Variants in SVIL observed in about 807,000 individuals in gnomAD.
The protein encoded by SVIL is archvillin.
In SVIL, 101 loss-of-function variants were observed where a neutral mutation model predicts 240.4. The observed-to-expected ratio is 0.42, with a 90% CI of 0.36 to 0.50. The LOEUF is 0.50. Among genes scored for constraint, SVIL ranks in the 20% least tolerant of loss-of-function variants. The pLI is 0.01. For missense variants in SVIL, 2,512 were observed against 2,818.7 expected (o/e 0.89, Z 2.46); for synonymous variants, 999 against 1,100.0 (o/e 0.91, Z 1.82).
At chr10:29,608,761 G>A (rs866136721) in intron 1 of SVIL, among the ~76,000 whole-genome samples, 3 of 152,232 alleles carry the variant, frequency 2.0e-5, no homozygotes, top group African/African-American at 7.2e-5. Flanking sequence ...GATAGCCTGC[G>A]TGCCATGGAT....
intron 1 of SVIL, among the ~76,000 whole-genome samples, chr10:29,584,580 C>G (rs553155452): frequency 1.1e-3 from 171 of 152,326 alleles, no homozygotes; most frequent in African/African-American, 4.0e-3. Flanking sequence ...CCCGCTGCCA[C>G]TGGACTCTCT....
chr10:29,684,914 AT>A (rs957629780), intron 2 of SVIL, among the ~76,000 whole-genome samples: 2 of 151,376 alleles, frequency 1.3e-5, no homozygotes, highest in African/African-American at 4.8e-5. Flanking sequence ...TAGGACCTTT[AT>A]TTTTTTTTAA....
intron 1 of SVIL, among the ~76,000 whole-genome samples, chr10:29,727,488 C>T (rs1246654279): frequency 6.6e-6 from 1 of 151,976 alleles, no homozygotes; most frequent in Admixed American, 6.6e-5. Context: ...TCCCTGGGTG[C>T]CATGAGTCCA....
chr10:29,495,584 T>C (rs552038022), intron 18 of SVIL, among the ~76,000 whole-genome samples: 1 of 152,088 alleles, frequency 6.6e-6, no homozygotes, highest in African/African-American at 2.4e-5. Context: ...CCCCCCGCAG[T>C]GGAGCTCTCC....
chr10:29,582,729 CT>C (rs1422645415), intron 1 of SVIL, among the ~76,000 whole-genome samples: 1 of 115,032 alleles, frequency 8.7e-6, no homozygotes, highest in East Asian at 2.7e-4. Context: ...GAGACCCTGT[CT>C]CTAATAATAA....
chr10:29,683,814 C>G (rs1960851458), intron 2 of SVIL, among the ~76,000 whole-genome samples: 1 of 152,096 alleles, frequency 6.6e-6, no homozygotes, highest in Non-Finnish European at 1.5e-5. Context: ...CTGGGCTCCC[C>G]CAACTTGCCC....
chr10:29,653,043 C>G (rs1027864126), intron 3 of SVIL, among the ~76,000 whole-genome samples: 3 of 150,330 alleles, frequency 2.0e-5, no homozygotes, highest in African/African-American at 7.4e-5. Flanking sequence ...GTTGACCAAG[C>G]TGGTCTCAAA....
At chr10:29,706,063 C>T (rs377038144) in intron 1 of SVIL, among the ~76,000 whole-genome samples, 36 of 151,954 alleles carry the variant, frequency 2.4e-4, no homozygotes, top group African/African-American at 7.7e-4. Context: ...TGTAGATTGA[C>T]GGGCATTTGG....
rs567737152 is a variant in SVIL, at chr10:29,490,897, T to C, written c.4142A>G (p.Gln1381Arg). ...REDLLQEYTEQRLNVAFMESK... is the reference protein window; with the variant it reads ...REDLLQEYTERRLNVAFMESK... ...CTCCATGAAGGCAACGTTTAATCTC[T>C]GCTCAGTGTATTCCTGAAGGAGATC... is the stretch of plus-strand genomic sequence containing the variant. The change falls in exon 22 of 38, where the codon CAG becomes CGG. Residue 1381 changes from glutamine to arginine, a missense_variant. Gln to Arg is a conservative substitution (Grantham distance 43, BLOSUM62 1). Around this residue, in one of 3 missense-constraint regions of SVIL, gnomAD observed 272 missense variants for 406.8 expected, o/e 0.67. Coordinates refer to ENST00000355867, the MANE Select transcript of SVIL (RefSeq NM_021738.3). 2.5e-5 allele frequency: 41 copies of C among 1,614,008 alleles called. No homozygotes were observed. In the Admixed American group the frequency reaches 6.7e-4, roughly 26 times the overall value.
At chr10:29,731,996 C>T (rs1589597310) in intron 1 of SVIL, among the ~76,000 whole-genome samples, 1 of 152,268 alleles carries the variant, frequency 6.6e-6, no homozygotes, top group African/African-American at 2.4e-5. Flanking sequence ...CAGCGCAGGT[C>T]TGGCGCATGC....
At chr10:29,712,126 A>T (rs1963332905) in intron 1 of SVIL, 1 of 152,216 alleles carries the variant, frequency 6.6e-6, no homozygotes, top group African/African-American at 2.4e-5. Context: ...GGGAAGTATA[A>T]TCACAGCAAG....
At position 29,576,900 on chromosome 10, in the gene SVIL, T is replaced by C. The variant is rs536284535; in HGVS notation, c.-200-7588A>G. 2.0e-5 allele frequency among the ~76,000 whole-genome samples: 3 copies of C among 152,302 alleles called. No individual in the cohort carries two copies. The South Asian group carries it at 6.2e-4, about 32-fold the overall frequency. On this transcript the variant is annotated intron_variant, in intron 1 of 37. Coordinates refer to ENST00000355867, the MANE Select transcript of SVIL (RefSeq NM_021738.3). ...TGCAAATGATTTTTTTTTGTTTTTT[T>C]AGACGAAGTCTTGCTCTGTCACCAG...
intron 16 of SVIL, among the ~76,000 whole-genome samples, chr10:29,514,927 G>T (rs1950110055): frequency 2.6e-5 from 4 of 152,156 alleles, no homozygotes. Context: ...CAAGAATCCG[G>T]CGACATCTAC....
chr10:29,558,852 C>T (rs1178701072), intron 3 of SVIL, among the ~76,000 whole-genome samples: 1 of 150,640 alleles, frequency 6.6e-6, no homozygotes, highest in South Asian at 2.1e-4. Flanking sequence ...TGCTTGAACC[C>T]GGGAGACAGA....
chr10:29,642,431 GA>G (rs1404331759), intron 3 of SVIL, among the ~76,000 whole-genome samples: 4 of 122,228 alleles, frequency 3.3e-5, no homozygotes, highest in African/African-American at 1.1e-4. Context: ...AAGAAAGAAA[GA>G]AAGAAAGAAA....
intron 1 of SVIL, among the ~76,000 whole-genome samples, chr10:29,592,051 G>C (rs1956411640): frequency 6.6e-6 from 1 of 152,202 alleles, no homozygotes; most frequent in Non-Finnish European, 1.5e-5. Context: ...AGGAGTTCGA[G>C]ACCAGCCTGG....
At chr10:29,464,806 T>A (rs1311035840) in intron 34 of SVIL, among the ~76,000 whole-genome samples, 1 of 134,208 alleles carries the variant, frequency 7.5e-6, no homozygotes, top group East Asian at 2.1e-4. Flanking sequence ...GCTCTTGTAA[T>A]GTGAGAAGCA....
intron 1 of SVIL, among the ~76,000 whole-genome samples, chr10:29,729,613 A>T (rs1047605417): frequency 6.8e-6 from 1 of 146,146 alleles, no homozygotes; most frequent in African/African-American, 2.6e-5. Flanking sequence ...AGGTGGGCAG[A>T]TCATGAGGTC....
At chr10:29,723,317 T>C (rs555316135) in intron 1 of SVIL, among the ~76,000 whole-genome samples, 1 of 152,296 alleles carries the variant, frequency 6.6e-6, no homozygotes, top group South Asian at 2.1e-4. Context: ...GAGGCAGAGG[T>C]TGCAGTGAGC....
Sources: gnomAD v4.1 joint callset for allele counts (sites outside exome capture counted in the v4.1 genomes callset) on GRCh38, gnomAD v4.1.1 for gene constraint, gnomAD v4.1.1 regional missense constraint, MANE v1.5 for transcripts, NCBI Gene and HGNC (gene_info 2026-07-23, HGNC 2026-07-21) for gene names.